HEMK2: variants seen among roughly 807,000 people sequenced by gnomAD.
The protein encoded by HEMK2 is methyltransferase HEMK2.
chr21:28,806,034 C>T, the HEMK2 span, among the ~76,000 whole-genome samples: 1 of 152,168 alleles, frequency 6.6e-6, no homozygotes, highest in Non-Finnish European at 1.5e-5. Context: ...TGTCCCATGG[C>T]ATAGTGTCTG....
chr21:28,673,074 GAGAA>G, the HEMK2 span, among the ~76,000 whole-genome samples: 1 of 148,794 alleles, frequency 6.7e-6, no homozygotes, highest in Non-Finnish European at 1.5e-5. Context: ...AGAGAAGAGA[GAGAA>G]AGAGAGAGGG....
the HEMK2 span, among the ~76,000 whole-genome samples, chr21:28,578,447 A>T: frequency 1.3e-5 from 2 of 152,220 alleles, no homozygotes; most frequent in Admixed American, 6.5e-5. Flanking sequence ...GACAGACGAT[A>T]TTGACAGTAC....
the HEMK2 span, among the ~76,000 whole-genome samples, chr21:28,695,385 T>C: frequency 6.6e-6 from 1 of 152,146 alleles, no homozygotes; most frequent in Non-Finnish European, 1.5e-5. Context: ...GTTCTCACAC[T>C]GCTAATAAAG....
chr21:28,751,688 T>C, the HEMK2 span, among the ~76,000 whole-genome samples: 3 of 152,256 alleles, frequency 2.0e-5, no homozygotes, highest in African/African-American at 7.2e-5. Context: ...TGTTTGTTTG[T>C]TTGTTTTTGA....
the HEMK2 span, among the ~76,000 whole-genome samples, chr21:28,861,862 T>C: frequency 6.6e-6 from 1 of 152,334 alleles, no homozygotes; most frequent in Admixed American, 6.5e-5. Flanking sequence ...CCATCACCTT[T>C]AGTAATCAGC....
At chr21:28,581,247 A>G in the HEMK2 span, among the ~76,000 whole-genome samples, 6 of 148,672 alleles carry the variant, frequency 4.0e-5, no homozygotes, top group African/African-American at 1.5e-4. Context: ...TTAAACAGCT[A>G]GGCAGCAAGG....
chr21:28,858,499 T>G, the HEMK2 span, among the ~76,000 whole-genome samples: 1 of 151,966 alleles, frequency 6.6e-6, no homozygotes, highest in Non-Finnish European at 1.5e-5. Context: ...GATCACATTT[T>G]GAGATACTAT....
At chr21:28,789,998 G>A in the HEMK2 span, among the ~76,000 whole-genome samples, 1 of 152,192 alleles carries the variant, frequency 6.6e-6, no homozygotes, top group Admixed American at 6.5e-5. Context: ...ACTGCCTTGT[G>A]AGTTAACTTT....
chr21:28,597,201 G>A, the HEMK2 span, among the ~76,000 whole-genome samples: 1 of 152,176 alleles, frequency 6.6e-6, no homozygotes, highest in Non-Finnish European at 1.5e-5. Context: ...TTTAATATTT[G>A]AGCTAAGTCT....
chr21:28,748,029 C>A, the HEMK2 span, among the ~76,000 whole-genome samples: 1 of 152,186 alleles, frequency 6.6e-6, no homozygotes, highest in African/African-American at 2.4e-5. Context: ...ACAGCAAATA[C>A]CACATATTCA....
At chr21:28,689,862 T>C in the HEMK2 span, among the ~76,000 whole-genome samples, 2 of 152,162 alleles carry the variant, frequency 1.3e-5, no homozygotes, top group Non-Finnish European at 2.9e-5. Flanking sequence ...CGTTTACTGC[T>C]GCTGTTTGAA....
the HEMK2 span, among the ~76,000 whole-genome samples, chr21:28,703,679 C>T: frequency 6.6e-6 from 1 of 152,218 alleles, no homozygotes; most frequent in Non-Finnish European, 1.5e-5. Context: ...GGCAGCACTT[C>T]CCTGTGGTAG....
the HEMK2 span, among the ~76,000 whole-genome samples, chr21:28,831,354 G>A: frequency 6.6e-6 from 1 of 150,626 alleles, no homozygotes; most frequent in African/African-American, 2.5e-5. Context: ...GCTGAGGCAG[G>A]AGAATCACTT....
chr21:28,625,672 C>T, the HEMK2 span, among the ~76,000 whole-genome samples: 1 of 151,920 alleles, frequency 6.6e-6, no homozygotes, highest in East Asian at 1.9e-4. Context: ...GACCCGGGGC[C>T]ATGCCACTGC....
At chr21:28,737,581 C>T in the HEMK2 span, among the ~76,000 whole-genome samples, 1 of 148,910 alleles carries the variant, frequency 6.7e-6, no homozygotes, top group African/African-American at 2.5e-5. Flanking sequence ...CTTAATTAGT[C>T]CATAGACTGT....
At chr21:28,871,205 G>C in the HEMK2 span, among the ~76,000 whole-genome samples, 1 of 152,112 alleles carries the variant, frequency 6.6e-6, no homozygotes, top group African/African-American at 2.4e-5. Flanking sequence ...TTGCTATAAA[G>C]AATTACCTGA....
At chr21:28,589,273 A>G in the HEMK2 span, among the ~76,000 whole-genome samples, 41 of 152,190 alleles carry the variant, frequency 2.7e-4, no homozygotes, top group Admixed American at 2.6e-3. Flanking sequence ...AAACTCATAG[A>G]ACTGTATAGC....
At chr21:28,878,196 G>C in the HEMK2 span, 2 of 1,575,836 alleles carry the variant, frequency 1.3e-6, no homozygotes, top group Admixed American at 1.9e-5. Flanking sequence ...TATTACCTGG[G>C]TTGTTTTCTT....
the HEMK2 span, among the ~76,000 whole-genome samples, chr21:28,583,237 G>GA: frequency 6.6e-6 from 1 of 152,188 alleles, no homozygotes; most frequent in South Asian, 2.1e-4. Context: ...AATTCTAGGT[G>GA]AAAAGAAAGC....
Sources: allele counts gnomAD v4.1 joint callset (sites outside exome capture counted in the v4.1 genomes callset), GRCh38; gene constraint gnomAD v4.1.1; transcripts MANE v1.5; gene names NCBI Gene and HGNC (gene_info 2026-07-23, HGNC 2026-07-21).